RO60: variants seen among roughly 807,000 people sequenced by gnomAD.
The protein encoded by RO60 is RNA-binding protein RO60.
In RO60, 20 loss-of-function variants were observed where a neutral mutation model predicts 55.3. That is an observed-to-expected ratio of 0.36 (90% confidence interval 0.25 to 0.53). The LOEUF (loss-of-function observed/expected upper bound fraction) is 0.53. Ranked by LOEUF, RO60 falls within the 20% of genes least tolerant of loss-of-function variation. The pLI is 0.92. For synonymous variants in RO60, 213 were observed against 213.6 expected, an observed-to-expected ratio of 1.00 and a Z score of 0.02; for missense variants, 558 against 646.6, an observed-to-expected ratio of 0.86 and a Z score of 1.49.
In RO60 at chr1:193,085,435, A is replaced by G; in HGVS notation, c.*704A>G. The G allele has an allele frequency of 1.0e-6, 1 of 982,802 alleles. No homozygotes were observed. Among genetic ancestry groups the G allele is most frequent in the South Asian group, 4.7e-5 (1 of 21,246 alleles). The allele number at this position is 982,802 out of a possible 1,614,324, so 60.9% of individuals were successfully genotyped here. A position where few individuals can be genotyped will look rare whatever the true frequency, so the allele number is the denominator to read the frequency against. On this transcript the variant is annotated 3_prime_UTR_variant, in exon 9 of 9. Transcript: ENST00000400968. Reference sequence around the variant, plus strand: ...AAGTTTGTGTTGGCTGAGGGATTCTATTTGGTTTGCTTTTTTTTTTTTGCT... The same window carrying G: ...AAGTTTGTGTTGGCTGAGGGATTCTGTTTGGTTTGCTTTTTTTTTTTTGCT...
rs1674676543 is a variant in RO60, at chr1:193,087,705, A to G, written c.*2974A>G. The G allele has an allele frequency of 6.6e-6, 1 of 152,150 alleles. No homozygotes were observed. The highest frequency in any genetic ancestry group is 2.1e-4 in the South Asian group (1 of 4,834). The allele number at this position is 152,150 out of a possible 1,614,324, so 9.4% of individuals were successfully genotyped here. ...GAATCAGTGATTTAATATTTGTATAAAAATTGAAACTGGGAAGAGGGCTTG... is the reference window on the plus strand; with the variant it reads ...GAATCAGTGATTTAATATTTGTATAGAAATTGAAACTGGGAAGAGGGCTTG... On this transcript the variant is annotated 3_prime_UTR_variant, in exon 9 of 9. Transcript: ENST00000400968.
intron 5 of RO60, among the ~76,000 whole-genome samples, chr1:193,079,737 T>A (rs1674171156): frequency 1.3e-5 from 2 of 152,174 alleles, no homozygotes; most frequent in Admixed American, 6.5e-5. Context: ...TCCAGAATAC[T>A]GAAAACTACA....
intron 5 of RO60, among the ~76,000 whole-genome samples, chr1:193,078,006 CA>C (rs1289803417): frequency 6.6e-6 from 1 of 152,022 alleles, no homozygotes; most frequent in Non-Finnish European, 1.5e-5. Context: ...TGCTATATAA[CA>C]AAATACTAGC....
At chr1:193,069,740 C>T (rs1263398945) in intron 2 of RO60, 106 bp downstream of exon 2, 1 of 879,734 alleles carries the variant, frequency 1.1e-6, no homozygotes, top group Non-Finnish European at 1.7e-6. Flanking sequence ...CTAGAAATAG[C>T]CTTTTATTCT....
chr1:193,076,372 T>G (rs1673919312), intron 3 of RO60, 129 bp from the exon 4 acceptor site: 2 of 961,964 alleles, frequency 2.1e-6, no homozygotes, highest in East Asian at 5.9e-5. Context: ...ACATTTTTCA[T>G]TCTGAAAGTA....
At position 193,069,157 on chromosome 1, in the gene RO60, C is replaced by T. The variant is rs1558237451; in HGVS notation, c.103C>T (p.Arg35Trp). 5 of 1,614,106 alleles carry T rather than the reference C, an allele frequency of 3.1e-6. No individual in the cohort carries two copies. The highest frequency in any genetic ancestry group is 4.2e-6 in the Non-Finnish European group (5 of 1,180,030). The change falls in exon 2 of 9, where the codon CGG becomes TGG. Residue 35 changes from arginine to tryptophan, a missense_variant. Transcript: ENST00000400968. Reference sequence around the variant, plus strand: ...AGTCACTGACATGAATCGACTACACCGGTTCTTATGTTTCGGTTCTGAAGG... The same window carrying T: ...AGTCACTGACATGAATCGACTACACTGGTTCTTATGTTTCGGTTCTGAAGG... ...WQVTDMNRLH[R>W]FLCFGSEGGT...
chr1:193,067,220 C>G (rs1391948781), intron 1 of RO60, among the ~76,000 whole-genome samples: 5 of 139,036 alleles, frequency 3.6e-5, no homozygotes, highest in Admixed American at 1.5e-4. Context: ...GAGTCTCGCT[C>G]TGTCCCCCAG....
Position 193,086,553 on chromosome 1 carries a change from C to T in RO60, c.*1822C>T, listed in dbSNP as rs532353406. The T allele has an allele frequency of 1.2e-4, 18 of 152,054 alleles. No homozygotes were observed. Among genetic ancestry groups the T allele is most frequent in the Non-Finnish European group, 2.5e-4 (17 of 67,964 alleles). The allele number at this position is 152,054 out of a possible 1,614,324, so 9.4% of individuals were successfully genotyped here. ...AAGTTTAAAGAAACTAATAGAATTACGTAATAGTTATTGAATTGTTTAAGT... is the reference window on the plus strand; with the variant it reads ...AAGTTTAAAGAAACTAATAGAATTATGTAATAGTTATTGAATTGTTTAAGT... On this transcript the variant is annotated 3_prime_UTR_variant, in exon 9 of 9. Coordinates refer to ENST00000400968, the MANE Select transcript of RO60 (RefSeq NM_001173524.2).
chr1:193,062,070 TACA>T (rs1672816791), intron 1 of RO60, among the ~76,000 whole-genome samples: 5 of 152,152 alleles, frequency 3.3e-5, no homozygotes, highest in Admixed American at 3.3e-4. Flanking sequence ...AGAGATTTAA[TACA>T]ACATTAGTTG....
intron 1 of RO60, chr1:193,060,233 G>C: frequency 3.0e-5 from 19 of 631,090 alleles, no homozygotes; most frequent in Non-Finnish European, 4.4e-5. Flanking sequence ...GTTTGTCCAT[G>C]GGGCTGCTAG....
chr1:193,059,898 G>T lies in RO60; in HGVS notation c.-22+122G>T. The T allele has an allele frequency of 7.3e-7, 1 of 1,365,662 alleles. No individual in the cohort carries two copies. The highest frequency in any genetic ancestry group is 1.1e-5 in the South Asian group (1 of 87,854). 84.6% of individuals were successfully genotyped at this position (1,365,662 alleles called of 1,614,324 possible). A position where few individuals can be genotyped will look rare whatever the true frequency, so the allele number is the denominator to read the frequency against. The stretch of plus-strand genomic sequence containing the variant: ...GGGGTTGAGGCTGGGCAAACGCCGC[G>T]AAACTATCGCTCTTCCCCGTCCCGC... On this transcript the variant is annotated intron_variant, in intron 1 of 8. Transcript: ENST00000400968. This position sits in a 1 kb window ranked among gnomAD's most constrained non-coding sequence, Gnocchi z 4.9.
intron 1 of RO60, among the ~76,000 whole-genome samples, chr1:193,063,915 A>C (rs1362025756): frequency 6.6e-6 from 1 of 152,170 alleles, no homozygotes; most frequent in Non-Finnish European, 1.5e-5. Flanking sequence ...GATACAACTC[A>C]GGAACAGCCA....
At chr1:193,074,800 T>G (rs1673789147) in intron 2 of RO60, among the ~76,000 whole-genome samples, 1 of 152,246 alleles carries the variant, frequency 6.6e-6, no homozygotes, top group African/African-American at 2.4e-5. Context: ...AGACATGAAG[T>G]CCTTGCCCAC....
intron 6 of RO60, among the ~76,000 whole-genome samples, chr1:193,081,838 C>T (rs1411804252): frequency 6.6e-6 from 1 of 152,000 alleles, no homozygotes; most frequent in Non-Finnish European, 1.5e-5. Flanking sequence ...CTTAAAAGAT[C>T]TGGGAACTAA....
intron 4 of RO60, 35 bp from the exon 5 acceptor site, chr1:193,076,878 T>C (rs1405652045): frequency 6.3e-7 from 1 of 1,591,038 alleles, no homozygotes; most frequent in Non-Finnish European, 8.6e-7. Flanking sequence ...TAATCACTGT[T>C]TTTTGCTAAA....
Position 193,086,511 on chromosome 1 carries a change from C to T in RO60, c.*1780C>T, listed in dbSNP as rs1022367863. The T allele has an allele frequency of 1.3e-5, 2 of 151,964 alleles. No homozygotes were observed. Among genetic ancestry groups the T allele is most frequent in the Non-Finnish European group, 2.9e-5 (2 of 67,960 alleles). The allele number at this position is 151,964 out of a possible 1,614,324, so 9.4% of individuals were successfully genotyped here. A position where few individuals can be genotyped will look rare whatever the true frequency, so the allele number is the denominator to read the frequency against. Reference sequence around the variant, plus strand: ...CTACTTTTGACACATTAAAATATTACGTTCAGATTGAATTTAAAGTTTAAA... The same window carrying T: ...CTACTTTTGACACATTAAAATATTATGTTCAGATTGAATTTAAAGTTTAAA... On this transcript the variant is annotated 3_prime_UTR_variant, in exon 9 of 9. Coordinates refer to ENST00000400968, the MANE Select transcript of RO60 (RefSeq NM_001173524.2).
chr1:193,078,386 T>C (rs1368730027), intron 5 of RO60, among the ~76,000 whole-genome samples: 1 of 152,170 alleles, frequency 6.6e-6, no homozygotes, highest in African/African-American at 2.4e-5. Flanking sequence ...CCACTTTAAT[T>C]CCACATAGTA....
chr1:193,071,313 A>G (rs750691649), intron 2 of RO60, among the ~76,000 whole-genome samples: 13 of 152,176 alleles, frequency 8.5e-5, no homozygotes, highest in Non-Finnish European at 1.3e-4. Context: ...CAGATGTTGT[A>G]ATTTACTCCA....
intron 2 of RO60, among the ~76,000 whole-genome samples, 180 bp downstream of exon 2, chr1:193,069,814 A>G (rs751699014): frequency 6.6e-6 from 1 of 152,238 alleles, no homozygotes; most frequent in Admixed American, 6.5e-5. Context: ...ACCACAGGCG[A>G]TCCAGACATT....
Sources: gnomAD v4.1 joint callset for allele counts (sites outside exome capture counted in the v4.1 genomes callset) on GRCh38, gnomAD v4.1.1 for gene constraint, Gnocchi (gnomAD v3.1) non-coding constraint, MANE v1.5 for transcripts, NCBI Gene and HGNC (gene_info 2026-07-23, HGNC 2026-07-21) for gene names.